The following HUWE1 variants were observed in gnomAD, a reference collection of about 807,000 sequenced individuals.
HUWE1 encodes the protein E3 ubiquitin-protein ligase HUWE1.
Under a neutral mutation model 299.4 loss-of-function variants are expected in HUWE1, and 18 were observed. That is an observed-to-expected ratio of 0.06 (90% CI 0.04 to 0.09). HUWE1 has a LOEUF of 0.09. Ranked by LOEUF, HUWE1 falls within the 10% of genes least tolerant of loss-of-function variation. The pLI, the probability that HUWE1 is intolerant of heterozygous loss-of-function variation, is 1.00. For missense variants in HUWE1, 1,832 were observed against 3,462.3 expected (o/e 0.53, Z 11.82); for synonymous variants, 1,317 against 1,286.1 (o/e 1.02, Z -0.51).
At chrX:53,537,377 A>C (rs187618977) in intron 78 of HUWE1, 179 bp downstream of exon 78, 1 of 512,137 alleles carries the variant, frequency 2.0e-6, no homozygotes, top group East Asian at 3.7e-5. Context: ...GCCAGCCAGC[A>C]GGGCAGGCCC....
intron 22 of HUWE1, 31 bp downstream of exon 22, chrX:53,615,713 T>C (rs782732099): frequency 3.1e-5 from 35 of 1,115,667 alleles, no homozygotes; most frequent in Middle Eastern, 2.4e-4. Context: ...TGCTCTCTCA[T>C]GCTCATGGTC....
rs868917910 is a variant in HUWE1 at position 53,596,082 on chromosome X, C to A, written c.3164-679G>T. ...CTACAATGAAATATACTTTTAAAAT[C>A]ATAAATGAAAATGTTGCCATAGCAT... On this transcript the variant is annotated intron_variant, in intron 29 of 83. Transcript: ENST00000262854. Among the ~76,000 whole-genome samples, 8 of 112,431 alleles carry A rather than the reference C, an allele frequency of 7.1e-5. 1 individual carries two copies. The highest frequency in any genetic ancestry group is 2.3e-4 in the African/African-American group (7 of 31,055).
intron 13 of HUWE1, 83 bp from the exon 14 acceptor site, chrX:53,628,985 TTAAAA>T: frequency 1.2e-6 from 1 of 833,535 alleles, no homozygotes; most frequent in South Asian, 2.2e-5. Flanking sequence ...TATCCAAACT[TTAAAA>T]TATAAGTCAT....
Position 53,595,295 on chromosome X carries a change from G to C in HUWE1, c.3272C>G (p.Thr1091Ser). 8.3e-7 allele frequency: 1 copy of C among 1,210,906 alleles called. No homozygotes were observed. The highest frequency in any genetic ancestry group is 1.1e-6 in the Non-Finnish European group (1 of 894,886). The change falls in exon 30 of 84, where the codon ACT becomes AGT. Residue 1091 changes from threonine (T) to serine (S), a missense_variant. This residue lies in a region of HUWE1 where 658 missense variants were observed against 1,282.6 expected (regional missense o/e 0.51). Transcript: ENST00000262854. The stretch of plus-strand genomic sequence containing the variant: ...TCGCGCGGCAGGTGTCGGTGCTGTA[G>C]TGGTGCTGGCAGCATGATGGCTCCT... The part of the protein sequence containing the change: ...QRRSHHAAST[T>S]TAPTPAARST...
chrX:53,565,803 T>C (rs1423939106), intron 49 of HUWE1, among the ~76,000 whole-genome samples: 1 of 109,858 alleles, frequency 9.1e-6, no homozygotes, highest in South Asian at 4.0e-4. Context: ...AGCTAATTTT[T>C]CTATTTTTTG....
In HUWE1 at chrX:53,554,702, A is replaced by G; in HGVS notation, c.8425T>C (p.Leu2809=). The change falls in exon 61 of 84, where the codon TTG becomes CTG. Residue 2809 remains leucine, a synonymous_variant. Coordinates refer to ENST00000262854, the MANE Select transcript of HUWE1 (RefSeq NM_031407.7). ...TCCCCACTTGGCCTTGTGGGACCCA[A>G]TTCCTCTGGCTCTACAGGCATCAAT... ...QLLMPVEPEE[L]GPTRPSGEAE... 1 of 1,210,805 alleles carries G rather than the reference A, an allele frequency of 8.3e-7. No homozygotes were observed. Among genetic ancestry groups the G allele is most frequent in the Non-Finnish European group, 1.1e-6 (1 of 895,184 alleles).
chrX:53,539,320 T>TAAAAAAAAAAA (rs34154526), intron 75 of HUWE1, among the ~76,000 whole-genome samples: 31 of 52,813 alleles, frequency 5.9e-4, no homozygotes, highest in Non-Finnish European at 7.5e-4. Flanking sequence ...ATTTCTGATT[T>TAAAAAAAAAAA]AAAAAAAAAA....
At chrX:53,603,591 G>A (rs2064998014) in intron 26 of HUWE1, 90 bp from the exon 27 acceptor site, 1 of 902,619 alleles carries the variant, frequency 1.1e-6, no homozygotes, top group African/African-American at 2.0e-5. Flanking sequence ...TTTTATAAGG[G>A]TAAGGGATTT....
chrX:53,647,641 G>T, intron 5 of HUWE1, 67 bp from the exon 6 acceptor site: 1 of 809,759 alleles, frequency 1.2e-6, no homozygotes, highest in Non-Finnish European at 1.9e-6. Flanking sequence ...CTTTCTAACT[G>T]AGCTTTGTTA....
intron 12 of HUWE1, among the ~76,000 whole-genome samples, chrX:53,630,285 A>G (rs1265139273): frequency 8.9e-6 from 1 of 112,403 alleles, no homozygotes; most frequent in East Asian, 2.8e-4. Flanking sequence ...AAGTCATAAC[A>G]TAATGAACAT....
In HUWE1 at chrX:53,594,511, T is replaced by C. The variant is rs1556982858; in HGVS notation, c.3491A>G (p.Asn1164Ser). The C allele has an allele frequency of 3.3e-6, 4 of 1,208,872 alleles. No individual in the cohort carries two copies. Among genetic ancestry groups the C allele is most frequent in the South Asian group, 1.8e-5 (1 of 56,371 alleles). The part of the protein sequence containing the change: ...LQKFLCSGGH[N>S]ALFETFNWAL... Reference sequence around the variant, plus strand: ...ACTTGATCCTTACTCAAAAAGAGCATTGTGGCCTCCGGAGCAGAGAAATTT... The same window carrying C: ...ACTTGATCCTTACTCAAAAAGAGCACTGTGGCCTCCGGAGCAGAGAAATTT... The change falls in exon 31 of 84, where the codon AAT becomes AGT. Residue 1164 changes from asparagine to serine, a missense_variant. Around this residue, in one of 15 missense-constraint regions of HUWE1, gnomAD observed 658 missense variants for 1,282.6 expected, o/e 0.51. Transcript: ENST00000262854.
chrX:53,610,954 T>A (rs1239859783), intron 23 of HUWE1, among the ~76,000 whole-genome samples: 10 of 110,350 alleles, frequency 9.1e-5, no homozygotes, highest in African/African-American at 3.0e-4. Context: ...AGTATATTCA[T>A]CCCCAGCAAT....
intron 37 of HUWE1, 104 bp downstream of exon 37, chrX:53,588,278 C>G: frequency 2.4e-6 from 2 of 847,465 alleles, no homozygotes; most frequent in Non-Finnish European, 3.4e-6. Flanking sequence ...ATGCAGGACT[C>G]ATGCCTTATT....
In HUWE1 at chrX:53,647,580, G is replaced by A; in HGVS notation, c.145-6C>T. Reference sequence around the variant, plus strand: ...ACCCAGTGATATAACTCGCACTGGAGAGGGGAGGAAAAAGAGGATGTAAGA... The same window carrying A: ...ACCCAGTGATATAACTCGCACTGGAAAGGGGAGGAAAAAGAGGATGTAAGA... On this transcript the variant is annotated splice_region_variant and splice_polypyrimidine_tract_variant and intron_variant, in intron 5 of 83. Coordinates refer to ENST00000262854, the MANE Select transcript of HUWE1 (RefSeq NM_031407.7). 1 of 1,171,094 alleles carries A rather than the reference G, an allele frequency of 8.5e-7. No homozygotes were observed. The highest frequency in any genetic ancestry group is 1.2e-6 in the Non-Finnish European group (1 of 858,237).
chrX:53,557,828 A>G (rs1357355020), intron 59 of HUWE1, among the ~76,000 whole-genome samples: 1 of 111,692 alleles, frequency 9.0e-6, no homozygotes, highest in Non-Finnish European at 1.9e-5. Flanking sequence ...TTTTCATCCT[A>G]TATCAAGTTT....
intron 56 of HUWE1, 123 bp downstream of exon 56, chrX:53,560,065 T>A: frequency 4.8e-6 from 3 of 623,939 alleles, no homozygotes; most frequent in Non-Finnish European, 7.7e-6. Context: ...ACAAATACCT[T>A]ATTTGTGTGT....
chrX:53,607,181 A>C (rs1232501732), intron 25 of HUWE1, among the ~76,000 whole-genome samples: 3 of 111,565 alleles, frequency 2.7e-5, no homozygotes, highest in African/African-American at 9.8e-5. Context: ...ACATAACCAT[A>C]AACATAAAAT....
At chrX:53,558,445 T>C (rs1265574218) in intron 59 of HUWE1, among the ~76,000 whole-genome samples, 2 of 112,222 alleles carry the variant, frequency 1.8e-5, no homozygotes, top group Non-Finnish European at 3.8e-5. Flanking sequence ...GCTCCAGTTT[T>C]TCCCTTGACA....
intron 43 of HUWE1, among the ~76,000 whole-genome samples, chrX:53,577,554 T>C (rs1280361564): frequency 9.1e-6 from 1 of 109,886 alleles, no homozygotes; most frequent in African/African-American, 3.3e-5. Context: ...TTCCATGGTC[T>C]CCCTCTGATG....
Sources: gnomAD v4.1 joint callset for allele counts (sites outside exome capture counted in the v4.1 genomes callset) on GRCh38, gnomAD v4.1.1 for gene constraint, gnomAD v4.1.1 regional missense constraint, MANE v1.5 for transcripts, NCBI Gene and HGNC (gene_info 2026-07-23, HGNC 2026-07-21) for gene names.